FZR1: variants seen among roughly 807,000 people sequenced by gnomAD.
FZR1 encodes fizzy-related protein homolog.
In FZR1, 11 loss-of-function variants were observed where a neutral mutation model predicts 63.6. The observed-to-expected ratio is 0.17, with a 90% confidence interval of 0.11 to 0.29. FZR1 has a LOEUF of 0.29. FZR1 is among the 10% of genes least tolerant of loss of function. The pLI is 1.00. For missense variants in FZR1, 440 were observed against 687.5 expected (o/e 0.64, Z 4.03); for synonymous variants, 328 against 297.9 (o/e 1.10, Z -1.04).
chr19:3,521,674 G>A (rs2083102777), intron 1 of FZR1, among the ~76,000 whole-genome samples: 1 of 152,014 alleles, frequency 6.6e-6, no homozygotes, highest in Non-Finnish European at 1.5e-5. Flanking sequence ...GCTAATTTTT[G>A]TATTTTTAGT....
rs746309745 is a variant in FZR1, at chr19:3,532,414, C to T, written c.1009-3C>T. Reference sequence around the variant, plus strand: ...CCCCGGCCTCACAGCCCCTGTCCCCCAGCTGCTGGTCTGGAATCACTCGAG... The same window carrying T: ...CCCCGGCCTCACAGCCCCTGTCCCCTAGCTGCTGGTCTGGAATCACTCGAG... On this transcript the variant is annotated splice_polypyrimidine_tract_variant and splice_region_variant and intron_variant, in intron 10 of 13. Coordinates refer to ENST00000441788, the MANE Select transcript of FZR1 (RefSeq NM_016263.4). The T allele has an allele frequency of 5.0e-6, 8 of 1,589,528 alleles. No individual in the cohort carries two copies. Among genetic ancestry groups the T allele is most frequent in the African/African-American group, 1.4e-5 (1 of 73,994 alleles).
rs908974762 is a variant in FZR1, at chr19:3,531,833, C to G, written c.823+17C>G. ...CACGCGTCGGTGAGGAGCCCGGGTCCCATGGCTGGTGAGCTCCCTGAGGCC... is the reference window on the plus strand; with the variant it reads ...CACGCGTCGGTGAGGAGCCCGGGTCGCATGGCTGGTGAGCTCCCTGAGGCC... On this transcript the variant is annotated intron_variant, in intron 9 of 13. Transcript: ENST00000441788. 19 of 1,550,156 alleles carry G rather than the reference C, an allele frequency of 1.2e-5. 1 individual carries two copies. Among genetic ancestry groups the G allele is most frequent in the Middle Eastern group, 3.6e-4 (2 of 5,572 alleles).
At chr19:3,527,084 A>G (rs1054993171) in intron 6 of FZR1, 22 bp downstream of exon 6, 1 of 1,525,028 alleles carries the variant, frequency 6.6e-7, no homozygotes, top group Non-Finnish European at 9.1e-7. Context: ...CTTCCTCCGC[A>G]GCCCTCCCTA....
intron 1 of FZR1, among the ~76,000 whole-genome samples, chr19:3,511,063 G>A (rs890967397): frequency 3.3e-5 from 5 of 152,254 alleles, no homozygotes; most frequent in Non-Finnish European, 7.3e-5. Context: ...TCGGGAACCT[G>A]ATGGCGCTCC....
Position 3,527,613 on chromosome 19 carries a change from A to G in FZR1, c.471-18A>G, listed in dbSNP as rs757514484. On this transcript the variant is annotated intron_variant, in intron 6 of 13. Coordinates refer to ENST00000441788, the MANE Select transcript of FZR1 (RefSeq NM_016263.4). Reference sequence around the variant, plus strand: ...CCAAGTGCCGTGGCTCACGGATGCCACGTGGCCGCCTCTGCAGCCAGAAGC... The same window carrying G: ...CCAAGTGCCGTGGCTCACGGATGCCGCGTGGCCGCCTCTGCAGCCAGAAGC... The G allele has an allele frequency of 4.4e-6, 7 of 1,593,016 alleles. No individual in the cohort carries two copies. The highest frequency in any genetic ancestry group is 6.0e-6 in the Non-Finnish European group (7 of 1,170,440).
In FZR1 at chr19:3,516,446, T is replaced by C. The variant is rs1043344985; in HGVS notation, c.-34-6510T>C. ...CCCTGCGGACTCCCAATTTTCCCGG[T>C]GTTGAATTCCACAGCCATGCCTCTT... On this transcript the variant is annotated intron_variant, in intron 1 of 13. Transcript: ENST00000441788. The surrounding 1 kb of genome is among the most constrained non-coding windows in gnomAD (Gnocchi z 6.0). Among the ~76,000 whole-genome samples, 2 of 152,174 alleles carry C rather than the reference T, an allele frequency of 1.3e-5. No individual in the cohort carries two copies. Among genetic ancestry groups the C allele is most frequent in the African/African-American group, 4.8e-5 (2 of 41,450 alleles).
chr19:3,522,520 G>A (rs929759144), intron 1 of FZR1, among the ~76,000 whole-genome samples: 12 of 152,204 alleles, frequency 7.9e-5, no homozygotes, highest in African/African-American at 2.9e-4. Flanking sequence ...GGGCCTGTGC[G>A]TGGCCAGCTC....
chr19:3,526,492 C>A lies in FZR1; in HGVS notation c.387+106C>A. The A allele has an allele frequency of 1.1e-6, 1 of 896,996 alleles. No homozygotes were observed. The allele number at this position is 896,996 out of a possible 1,614,324, so 55.6% of individuals were successfully genotyped here. A position where few individuals can be genotyped will look rare whatever the true frequency, so the allele number is the denominator to read the frequency against. On this transcript the variant is annotated intron_variant, in intron 5 of 13. Coordinates refer to ENST00000441788, the MANE Select transcript of FZR1 (RefSeq NM_016263.4). This position sits in a 1 kb window ranked among gnomAD's most constrained non-coding sequence, Gnocchi z 5.4. Reference sequence around the variant, plus strand: ...GCCTCCCCGAGCCCGGTTCTCGGGCCCAGCCACGGCTCAGCACCCCCGCCC... The same window carrying A: ...GCCTCCCCGAGCCCGGTTCTCGGGCACAGCCACGGCTCAGCACCCCCGCCC...
rs1354922367 is a variant in FZR1 at position 3,514,660 on chromosome 19, G to A, written c.-35+8186G>A. 3.3e-5 allele frequency among the ~76,000 whole-genome samples: 5 copies of A among 152,194 alleles called. No individual in the cohort carries two copies. The highest frequency in any genetic ancestry group is 7.4e-5 in the Non-Finnish European group (5 of 68,026). On this transcript the variant is annotated intron_variant, in intron 1 of 13. Transcript: ENST00000441788. The surrounding 1 kb of genome is among the most constrained non-coding windows in gnomAD (Gnocchi z 4.2). The stretch of plus-strand genomic sequence containing the variant: ...ACATTGAAATCCATACCCTGAGTGG[G>A]AGGGAGAGAGGAGGTGAATCTCAGG...
In FZR1 at chr19:3,534,862, C is replaced by T; in HGVS notation, c.*26C>T. The T allele has an allele frequency of 6.3e-7, 1 of 1,594,014 alleles. No individual in the cohort carries two copies. The highest frequency in any genetic ancestry group is 8.6e-7 in the Non-Finnish European group (1 of 1,163,522). Reference sequence around the variant, plus strand: ...ACCTGCCGGGCAGGACCGTGCCACACCAGCTGTCCAGAGTCGGAGGACCCC... The same window carrying T: ...ACCTGCCGGGCAGGACCGTGCCACATCAGCTGTCCAGAGTCGGAGGACCCC... On this transcript the variant is annotated 3_prime_UTR_variant, in exon 14 of 14. Transcript: ENST00000441788.
intron 1 of FZR1, among the ~76,000 whole-genome samples, chr19:3,508,903 G>A: frequency 6.6e-6 from 1 of 152,232 alleles, no homozygotes; most frequent in Non-Finnish European, 1.5e-5. Context: ...GGCAGTGAGT[G>A]TGCCTGCCTG....
In FZR1 at chr19:3,532,644, C is replaced by T. The variant is rs968550056; in HGVS notation, c.1236C>T (p.Asn412=). Residue 412 remains asparagine (N), a synonymous_variant, in exon 11 of 14, where the codon AAC becomes AAT. Transcript: ENST00000441788. The part of the protein sequence containing the change: ...VCNLAWSKHA[N]ELVSTHGYSQ... Reference sequence around the variant, plus strand: ...ATCTGGCCTGGTCCAAGCACGCCAACGAGCTGGTGAGCACGGGCGGCCCGG... The same window carrying T: ...ATCTGGCCTGGTCCAAGCACGCCAATGAGCTGGTGAGCACGGGCGGCCCGG... 5.6e-6 allele frequency: 9 copies of T among 1,610,374 alleles called. No individual in the cohort carries two copies. The highest frequency in any genetic ancestry group is 2.2e-5 in the South Asian group (2 of 91,012).
chr19:3,513,319 A>T lies in FZR1; in HGVS notation c.-35+6845A>T, dbSNP rs746197118. ...TAGTCGGAGGCCTCCTGCTGGAACC[A>T]CTCTGCGGAGACTCCAGCAGGAGGC... On this transcript the variant is annotated intron_variant, in intron 1 of 13. Coordinates refer to ENST00000441788, the MANE Select transcript of FZR1 (RefSeq NM_016263.4). Among the ~76,000 whole-genome samples the T allele has an allele frequency of 1.3e-3, 198 of 151,840 alleles. 1 individual carries two copies. Among genetic ancestry groups the T allele is most frequent in the Non-Finnish European group, 2.2e-3 (151 of 67,872 alleles).
At chr19:3,522,205 A>G (rs1203838882) in intron 1 of FZR1, among the ~76,000 whole-genome samples, 1 of 152,048 alleles carries the variant, frequency 6.6e-6, no homozygotes, top group Non-Finnish European at 1.5e-5. Context: ...TTCTGTCTCC[A>G]TGGCCTGCAC....
In FZR1 at chr19:3,514,650, C is replaced by T. The variant is rs1404573142; in HGVS notation, c.-35+8176C>T. 6.6e-6 allele frequency among the ~76,000 whole-genome samples: 1 copy of T among 152,162 alleles called. No individual in the cohort carries two copies. Among genetic ancestry groups the T allele is most frequent in the Non-Finnish European group, 1.5e-5 (1 of 68,024 alleles). ...GAGGCTGCACACATTGAAATCCATA[C>T]CCTGAGTGGGAGGGAGAGAGGAGGT... On this transcript the variant is annotated intron_variant, in intron 1 of 13. Transcript: ENST00000441788. The surrounding 1 kb of genome is among the most constrained non-coding windows in gnomAD (Gnocchi z 4.2).
At chr19:3,534,378 C>A (rs1435362820) in intron 12 of FZR1, 43 bp from the exon 13 acceptor site, 2 of 1,136,776 alleles carry the variant, frequency 1.8e-6, no homozygotes, top group Non-Finnish European at 2.6e-6. Context: ...TCCCGAGGCA[C>A]CTAGAGGCCC....
chr19:3,512,040 G>C (rs555609063), intron 1 of FZR1, among the ~76,000 whole-genome samples: 49 of 152,198 alleles, frequency 3.2e-4, no homozygotes, highest in Admixed American at 2.8e-3. Context: ...CACCTGCCCC[G>C]GGAGCCCCAT....
rs1204668886 is a variant in FZR1, at chr19:3,534,489, C to G, written c.1416C>G (p.Val472=). 9.9e-6 allele frequency: 16 copies of G among 1,609,634 alleles called. No homozygotes were observed. The highest frequency in any genetic ancestry group is 1.4e-5 in the Non-Finnish European group (16 of 1,177,982). The part of the protein sequence containing the change: ...AGDETLRFWN[V]FSKTRSTKES... ...ACGAGACCCTGAGGTTCTGGAACGT[C>G]TTTAGCAAAACCCGTTCGACAAAGG... Residue 472 remains valine, a synonymous_variant, in exon 13 of 14, where the codon GTC becomes GTG. Transcript: ENST00000441788.
intron 1 of FZR1, among the ~76,000 whole-genome samples, chr19:3,509,255 T>C (rs1449454311): frequency 6.6e-6 from 1 of 152,220 alleles, no homozygotes; most frequent in African/African-American, 2.4e-5. Flanking sequence ...TGCCTTCCTC[T>C]GCCTCAGTGT....
Sources: gnomAD v4.1 joint callset for allele counts (sites outside exome capture counted in the v4.1 genomes callset) on GRCh38, gnomAD v4.1.1 for gene constraint, Gnocchi (gnomAD v3.1) non-coding constraint, MANE v1.5 for transcripts, NCBI Gene and HGNC (gene_info 2026-07-23, HGNC 2026-07-21) for gene names.